The following EYS variants were observed in gnomAD, a reference collection of about 807,000 sequenced individuals.
The protein encoded by EYS is EGF-like photoreceptor maintenance factor, also known as protein eyes shut homolog.
In EYS, 250 loss-of-function variants were observed where a neutral mutation model predicts 282.1. The ratio of observed to expected loss-of-function variants is 0.89; its 90% CI spans 0.80 to 0.98. The LOEUF (loss-of-function observed/expected upper bound fraction) is 0.98. Among genes scored for constraint, EYS ranks in the 50% least tolerant of loss-of-function variants. EYS has a pLI of 0.00. For missense variants in EYS, 4,016 were observed against 3,709.0 expected, an observed-to-expected ratio of 1.08 and a Z score of -2.15; for synonymous variants, 1,355 against 1,282.9, an observed-to-expected ratio of 1.06 and a Z score of -1.20.
rs1554193136 is a variant in EYS at position 64,686,860 on chromosome 6, T to TATATGTGTATATATACACACACAC, written c.3444-60616_3444-60615insGTGTGTGTGTATATATACACATAT. On this transcript the variant is annotated intron_variant, in intron 22 of 42. Coordinates refer to ENST00000503581, the MANE Select transcript of EYS (RefSeq NM_001142800.2). The stretch of plus-strand genomic sequence containing the variant: ...ATACGTGTATATATATATATGTGTA[T>TATATGTGTATATATACACACACAC]ATATATACGTGTATATATATATACA... Among the ~76,000 whole-genome samples the TATATGTGTATATATACACACACAC allele has an allele frequency of 1.2e-4, 3 of 25,974 alleles. 1 individual carries two copies. The highest frequency in any genetic ancestry group is 3.2e-4 in the Non-Finnish European group (3 of 9,248). 17.0% of individuals were successfully genotyped at this position (25,974 alleles called of 152,430 possible).
chr6:65,343,755 G>A (rs113918321), intron 10 of EYS, among the ~76,000 whole-genome samples: 13 of 151,306 alleles, frequency 8.6e-5, no homozygotes, highest in African/African-American at 2.9e-4. Flanking sequence ...GTATCTGAGA[G>A]GCTTTAGTCA....
intron 8 of EYS, among the ~76,000 whole-genome samples, chr6:65,358,475 CT>C (rs1764578038): frequency 6.6e-6 from 1 of 151,856 alleles, no homozygotes; most frequent in Admixed American, 6.6e-5. Flanking sequence ...GGGATGGTTT[CT>C]TTTCCTAAGC....
chr6:64,116,092 G>T lies in EYS; in HGVS notation c.6425-34090C>A, dbSNP rs183202469. On this transcript the variant is annotated intron_variant, in intron 31 of 42. Transcript: ENST00000503581. ...AAAAAAGAACCAAAGAGAAATTCAGGTAATACAGAATTCAATTAATGAAAT... is the reference window on the plus strand; with the variant it reads ...AAAAAAGAACCAAAGAGAAATTCAGTTAATACAGAATTCAATTAATGAAAT... 2.6e-4 allele frequency among the ~76,000 whole-genome samples: 40 copies of T among 152,042 alleles called. 1 individual carries two copies. The East Asian group carries it at 6.8e-3, about 26-fold the overall frequency.
chr6:65,675,064 G>A (rs964850090), intron 1 of EYS, among the ~76,000 whole-genome samples: 18 of 151,840 alleles, frequency 1.2e-4, no homozygotes, highest in African/African-American at 3.6e-4. Context: ...ATTATAAGAC[G>A]TTTTATGGAA....
intron 16 of EYS, among the ~76,000 whole-genome samples, chr6:64,910,183 T>C (rs1767949574): frequency 6.6e-6 from 1 of 152,154 alleles, no homozygotes; most frequent in Admixed American, 6.5e-5. Context: ...TGGAATTCTT[T>C]GTAGTTCTAA....
At chr6:65,483,399 T>A (rs2127257856) in intron 5 of EYS, among the ~76,000 whole-genome samples, 1 of 152,252 alleles carries the variant, frequency 6.6e-6, no homozygotes, top group East Asian at 1.9e-4. Flanking sequence ...ATGATATGAA[T>A]TCCAAAATTC....
intron 11 of EYS, chr6:65,330,859 A>G (rs1427917814): frequency 1.1e-6 from 1 of 942,884 alleles, no homozygotes; most frequent in Non-Finnish European, 1.3e-6. Flanking sequence ...TATAAGGTAT[A>G]AGGTTGTAAT....
At chr6:65,444,366 A>G (rs576214055) in intron 5 of EYS, among the ~76,000 whole-genome samples, 1 of 152,130 alleles carries the variant, frequency 6.6e-6, no homozygotes, top group Non-Finnish European at 1.5e-5. Flanking sequence ...TTCTAGTTTA[A>G]AGTTGATGTA....
intron 13 of EYS, among the ~76,000 whole-genome samples, chr6:65,039,028 A>C (rs1398336034): frequency 6.6e-6 from 1 of 151,422 alleles, no homozygotes; most frequent in East Asian, 1.9e-4. Context: ...AAATTTGGTT[A>C]GTCTAAATTA....
At chr6:65,026,492 T>C (rs963741495) in intron 13 of EYS, among the ~76,000 whole-genome samples, 1 of 152,144 alleles carries the variant, frequency 6.6e-6, no homozygotes, top group African/African-American at 2.4e-5. Flanking sequence ...TATGCACAGA[T>C]GAATGGGCTA....
intron 31 of EYS, among the ~76,000 whole-genome samples, chr6:64,162,963 A>G (rs781039027): frequency 3.3e-5 from 5 of 152,152 alleles, no homozygotes; most frequent in Admixed American, 6.5e-5. Context: ...GTTCTGTGCC[A>G]GGCACTGTGC....
intron 15 of EYS, among the ~76,000 whole-genome samples, chr6:64,921,080 G>T (rs1297529518): frequency 1.3e-5 from 2 of 151,984 alleles, no homozygotes; most frequent in Non-Finnish European, 2.9e-5. Flanking sequence ...TGTTAGGACT[G>T]GCATTATAAT....
intron 22 of EYS, among the ~76,000 whole-genome samples, chr6:64,692,977 C>CTTTTTTGTTTTTTTTTTT (rs1770441077): frequency 8.7e-5 from 1 of 11,500 alleles, no homozygotes; most frequent in Non-Finnish European, 1.6e-4. Flanking sequence ...GCTGCTTGGG[C>CTTTTTTGTTTTTTTTTTT]TTTTTTTTTT....
At chr6:64,153,577 G>A (rs948884216) in intron 31 of EYS, among the ~76,000 whole-genome samples, 1 of 152,160 alleles carries the variant, frequency 6.6e-6, no homozygotes, top group African/African-American at 2.4e-5. Context: ...TAAGTTATTA[G>A]GGAAAGCAAG....
chr6:64,269,975 A>G (rs1014374405), intron 30 of EYS, among the ~76,000 whole-genome samples: 2 of 152,138 alleles, frequency 1.3e-5, no homozygotes, highest in Admixed American at 1.3e-4. Context: ...CCAAAAGAAA[A>G]CATACTTTAC....
At chr6:64,622,030 C>A (rs1435141914) in intron 23 of EYS, among the ~76,000 whole-genome samples, 2 of 152,154 alleles carry the variant, frequency 1.3e-5, no homozygotes, top group East Asian at 3.9e-4. Context: ...TATATTGATA[C>A]TTCATTGGAA....
At chr6:65,553,660 AAAAC>A (rs1768681106) in intron 2 of EYS, among the ~76,000 whole-genome samples, 3 of 152,088 alleles carry the variant, frequency 2.0e-5, no homozygotes, top group Non-Finnish European at 2.9e-5. Context: ...AAATTAAAAC[AAAAC>A]AAACAAAAAC....
rs1028097308 is a variant in EYS, at chr6:65,375,279, C to T, written c.1299+9107G>A. ...GGACCTCCAGCAAACTGCAGCAGACCTGCAGAAGAGGGGCCTGACCATCAG... is the reference window on the plus strand; with the variant it reads ...GGACCTCCAGCAAACTGCAGCAGACTTGCAGAAGAGGGGCCTGACCATCAG... On this transcript the variant is annotated intron_variant, in intron 8 of 42. Coordinates refer to ENST00000503581, the MANE Select transcript of EYS (RefSeq NM_001142800.2). 5.9e-5 allele frequency among the ~76,000 whole-genome samples: 9 copies of T among 152,250 alleles called. 1 individual carries two copies. In the South Asian group the frequency reaches 1.9e-3, roughly 32 times the overall value.
intron 29 of EYS, among the ~76,000 whole-genome samples, chr6:64,326,005 T>A (rs1288770340): frequency 6.6e-6 from 1 of 152,140 alleles, no homozygotes; most frequent in Non-Finnish European, 1.5e-5. Flanking sequence ...TAAGGAAAAC[T>A]TCCCTGGCCT....
Sources: gnomAD v4.1 joint callset for allele counts (sites outside exome capture counted in the v4.1 genomes callset) on GRCh38, gnomAD v4.1.1 for gene constraint, MANE v1.5 for transcripts, NCBI Gene and HGNC (gene_info 2026-07-23, HGNC 2026-07-21) for gene names.